Variants in SKI observed in about 807,000 individuals in gnomAD.
SKI encodes the protein SKI proto-oncogene, also known as ski oncogene.
Under a neutral mutation model 59.3 loss-of-function variants are expected in SKI, and 23 were observed. The observed-to-expected ratio is 0.39, with a 90% CI of 0.28 to 0.55. The LOEUF (loss-of-function observed/expected upper bound fraction) is 0.55. Among genes scored for constraint, SKI ranks in the 20% least tolerant of loss-of-function variants. The pLI, the probability that SKI is intolerant of heterozygous loss-of-function variation, is 0.67. For synonymous variants in SKI, 673 were observed against 488.6 expected (o/e 1.38, Z -4.98); for missense variants, 1,017 against 1,038.9 (o/e 0.98, Z 0.29).
chr1:2,259,226 C>G (rs1315641082), intron 1 of SKI, among the ~76,000 whole-genome samples: 1 of 152,184 alleles, frequency 6.6e-6, no homozygotes, highest in Non-Finnish European at 1.5e-5. Context: ...CTGTTTTGTG[C>G]CACAGCAGAA....
Position 2,306,997 on chromosome 1 carries a change from C to T in SKI, c.*232C>T, listed in dbSNP as rs945682215. On this transcript the variant is annotated 3_prime_UTR_variant, in exon 7 of 7. Coordinates refer to ENST00000378536, the MANE Select transcript of SKI (RefSeq NM_003036.4). ...CCCCCAACTACAGCTGGAGACGGGGCCAGCTCGGCGGCCTGCTGGTCCTCT... is the reference window on the plus strand; with the variant it reads ...CCCCCAACTACAGCTGGAGACGGGGTCAGCTCGGCGGCCTGCTGGTCCTCT... 9.7e-6 allele frequency: 3 copies of T among 310,162 alleles called. No homozygotes were observed. The highest frequency in any genetic ancestry group is 2.2e-5 in the African/African-American group (1 of 44,646). The allele number at this position is 310,162 out of a possible 1,614,324, so 19.2% of individuals were successfully genotyped here.
intron 1 of SKI, among the ~76,000 whole-genome samples, chr1:2,298,842 G>GC (rs1640352526): frequency 6.6e-6 from 1 of 152,234 alleles, no homozygotes; most frequent in African/African-American, 2.4e-5. Flanking sequence ...CAGCTTCCAG[G>GC]CCGTGGGCTC....
Position 2,229,729 on chromosome 1 carries a change from G to A in SKI, c.963G>A (p.Val321=). The change falls in exon 1 of 7, where the codon GTG becomes GTA. Residue 321 remains valine (V), a synonymous_variant. Coordinates refer to ENST00000378536, the MANE Select transcript of SKI (RefSeq NM_003036.4). This position sits in a 1 kb window ranked among gnomAD's most constrained non-coding sequence, Gnocchi z 6.3. ...ATGGCAACAAGTACAAGCGGCGGGT[G>A]CCCCGGGTGAGTGGCCCCAGGCCTG... ...FDYGNKYKRR[V]PRVSSEPPAS... 1 of 1,560,204 alleles carries A rather than the reference G, an allele frequency of 6.4e-7. No individual in the cohort carries two copies. The highest frequency in any genetic ancestry group is 1.2e-5 in the South Asian group (1 of 85,332).
At chr1:2,271,188 C>T (rs956075743) in intron 1 of SKI, among the ~76,000 whole-genome samples, 1 of 152,150 alleles carries the variant, frequency 6.6e-6, no homozygotes, top group African/African-American at 2.4e-5. Flanking sequence ...CTGAGAAGCA[C>T]AGAGGCCTGG....
intron 1 of SKI, among the ~76,000 whole-genome samples, chr1:2,282,441 C>G (rs371953653): frequency 1.3e-5 from 1 of 77,538 alleles, no homozygotes; most frequent in Non-Finnish European, 2.7e-5. Context: ...CAGGCGGTGG[C>G]GGAGATCTTC....
chr1:2,246,567 AGAG>A lies in SKI; in HGVS notation c.969+16836_969+16838del, dbSNP rs1639001340. Among the ~76,000 whole-genome samples, 2 of 152,044 alleles carry A rather than the reference AGAG, an allele frequency of 1.3e-5. 1 individual carries two copies. The highest frequency in any genetic ancestry group is 4.1e-4 in the South Asian group (2 of 4,828). ...TCTCGGCGCCAGATTCATGTTTGTA[AGAG>A]GAGACGCTCTGTGAGCCTCGGTGTG... On this transcript the variant is annotated intron_variant, in intron 1 of 6. Coordinates refer to ENST00000378536, the MANE Select transcript of SKI (RefSeq NM_003036.4).
chr1:2,289,892 C>G (rs1278908346), intron 1 of SKI, among the ~76,000 whole-genome samples: 2 of 151,936 alleles, frequency 1.3e-5, no homozygotes, highest in African/African-American at 4.8e-5. Flanking sequence ...GTGGCCTGGC[C>G]AGGGTGAGCA....
At chr1:2,240,198 GTTC>G (rs1348787053) in intron 1 of SKI, among the ~76,000 whole-genome samples, 3 of 152,106 alleles carry the variant, frequency 2.0e-5, no homozygotes, top group Non-Finnish European at 4.4e-5. Flanking sequence ...TGTCCTCCGG[GTTC>G]TTCTCCACTT....
At chr1:2,235,230 G>T (rs1038354054) in intron 1 of SKI, among the ~76,000 whole-genome samples, 1 of 152,100 alleles carries the variant, frequency 6.6e-6, no homozygotes, top group Non-Finnish European at 1.5e-5. Flanking sequence ...TTTTAGTAGA[G>T]ATGGGGTTTC....
intron 1 of SKI, among the ~76,000 whole-genome samples, chr1:2,272,877 C>T (rs957694818): frequency 1.3e-5 from 2 of 151,868 alleles, no homozygotes; most frequent in African/African-American, 2.4e-5. Flanking sequence ...GCCCCTCCTG[C>T]CCCCGAGGCT....
intron 1 of SKI, among the ~76,000 whole-genome samples, chr1:2,292,223 C>G (rs1640176966): frequency 6.6e-6 from 1 of 152,208 alleles, no homozygotes; most frequent in Admixed American, 6.5e-5. Context: ...TTGCCCTGCT[C>G]AGGGCTGCAC....
chr1:2,278,838 A>C (rs759376673), intron 1 of SKI, among the ~76,000 whole-genome samples: 49 of 152,298 alleles, frequency 3.2e-4, no homozygotes, highest in Non-Finnish European at 6.8e-4. Context: ...GGCCGTGAGC[A>C]CTGCCCTGTG....
chr1:2,240,081 G>C (rs1363358196), intron 1 of SKI, among the ~76,000 whole-genome samples: 1 of 152,240 alleles, frequency 6.6e-6, no homozygotes, highest in Non-Finnish European at 1.5e-5. Flanking sequence ...TTTTCTCTCA[G>C]GAGTGTCTGT....
intron 1 of SKI, among the ~76,000 whole-genome samples, chr1:2,271,718 T>TGG (rs35691128): frequency 0.022 from 3,280 of 149,292 alleles, 58 homozygotes; most frequent in African/African-American, 0.054. Flanking sequence ...CCTGGTCCCC[T>TGG]GGGGGGGGGT....
Position 2,272,867 on chromosome 1 carries a change from G to GC in SKI, c.970-30107dup, listed in dbSNP as rs542417499. Among the ~76,000 whole-genome samples, 14 of 152,270 alleles carry GC rather than the reference G, an allele frequency of 9.2e-5. No individual in the cohort carries two copies. In the South Asian group the frequency reaches 2.9e-3, roughly 32 times the overall value. ...CACGCCCCGAGCCTCGCCCTCCCAC[G>GC]CCCCTCCTGCCCCCGAGGCTCGCTG... is the stretch of plus-strand genomic sequence containing the variant. On this transcript the variant is annotated intron_variant, in intron 1 of 6. Transcript: ENST00000378536.
At chr1:2,294,202 G>C (rs978767138) in intron 1 of SKI, among the ~76,000 whole-genome samples, 1 of 152,230 alleles carries the variant, frequency 6.6e-6, no homozygotes, top group African/African-American at 2.4e-5. Context: ...GTTTGAGCCT[G>C]ATAGCTCCGC....
At chr1:2,293,759 C>T (rs1640220456) in intron 1 of SKI, among the ~76,000 whole-genome samples, 1 of 152,320 alleles carries the variant, frequency 6.6e-6, no homozygotes, top group East Asian at 1.9e-4. Flanking sequence ...TGCTGCCCGG[C>T]CTCTGGGACC....
At chr1:2,262,361 G>A (rs1189973058) in intron 1 of SKI, among the ~76,000 whole-genome samples, 2 of 143,060 alleles carry the variant, frequency 1.4e-5, no homozygotes, top group South Asian at 4.7e-4. Flanking sequence ...CAGAGTTTGG[G>A]TGGGAGTGGT....
intron 1 of SKI, among the ~76,000 whole-genome samples, chr1:2,250,772 T>C (rs1639129312): frequency 6.6e-6 from 1 of 152,278 alleles, no homozygotes; most frequent in African/African-American, 2.4e-5. Context: ...AGTTTACTTC[T>C]GCCTGGGACC....
Sources: allele counts gnomAD v4.1 joint callset (sites outside exome capture counted in the v4.1 genomes callset), GRCh38; gene constraint gnomAD v4.1.1; non-coding constraint Gnocchi (gnomAD v3.1); transcripts MANE v1.5; gene names NCBI Gene and HGNC (gene_info 2026-07-23, HGNC 2026-07-21).